The following ZFHX3 variants were observed in gnomAD, a reference collection of about 807,000 sequenced individuals.
ZFHX3 encodes zinc finger homeobox protein 3.
A neutral mutation model predicts 279.1 loss-of-function variants in ZFHX3; 42 were observed. The ratio of observed to expected loss-of-function variants is 0.15; its 90% CI spans 0.12 to 0.19. The LOEUF (loss-of-function observed/expected upper bound fraction) is 0.19. ZFHX3 is among the 10% of genes least tolerant of loss of function. The pLI is 1.00. For synonymous variants in ZFHX3, 2,293 were observed against 1,957.8 expected (o/e 1.17, Z -4.52); for missense variants, 4,981 against 4,754.0 (o/e 1.05, Z -1.40).
intron 5 of ZFHX3, among the ~76,000 whole-genome samples, chr16:73,219,557 T>A (rs1396298477): frequency 2.6e-5 from 4 of 152,366 alleles, no homozygotes; most frequent in Admixed American, 1.3e-4. Flanking sequence ...AAAGCCCTGT[T>A]GCATCTATGA....
intron 3 of ZFHX3, among the ~76,000 whole-genome samples, chr16:72,920,745 C>A (rs923552253): frequency 2.4e-4 from 36 of 151,742 alleles, no homozygotes; most frequent in Non-Finnish European, 4.4e-5. Context: ...CCAGCTTCCT[C>A]AAGTGGAAGA....
At chr16:73,837,421 T>C (rs1311926587) in intron 1 of ZFHX3, among the ~76,000 whole-genome samples, 1 of 152,224 alleles carries the variant, frequency 6.6e-6, no homozygotes, top group Non-Finnish European at 1.5e-5. Flanking sequence ...GGTAAAACCT[T>C]GGAAATCCTG....
chr16:73,806,153 C>G (rs1960270427), intron 1 of ZFHX3, among the ~76,000 whole-genome samples: 1 of 152,194 alleles, frequency 6.6e-6, no homozygotes, highest in African/African-American at 2.4e-5. Context: ...GACAGCAGGG[C>G]AGAAATTGCC....
chr16:73,500,642 A>C (rs1597359846), intron 2 of ZFHX3, among the ~76,000 whole-genome samples: 1 of 131,884 alleles, frequency 7.6e-6, no homozygotes, highest in African/African-American at 3.0e-5. Context: ...CCTAGTTTTT[A>C]TTTTAAAAAG....
At chr16:73,206,492 G>A (rs139031932) in intron 5 of ZFHX3, among the ~76,000 whole-genome samples, 5 of 152,202 alleles carry the variant, frequency 3.3e-5, no homozygotes, top group South Asian at 4.2e-4. Context: ...CTTAGAGTTC[G>A]CTACTGCCTT....
intron 3 of ZFHX3, among the ~76,000 whole-genome samples, chr16:73,373,231 T>C (rs868356197): frequency 6.6e-6 from 1 of 152,126 alleles, no homozygotes; most frequent in African/African-American, 2.4e-5. Context: ...TTCTCACCAA[T>C]TGGGTGGCTA....
intron 3 of ZFHX3, among the ~76,000 whole-genome samples, chr16:72,894,497 T>C: frequency 6.6e-6 from 1 of 152,096 alleles, no homozygotes; most frequent in Non-Finnish European, 1.5e-5. Context: ...ATCCCACCCT[T>C]GGAACCTGCC....
chr16:73,249,898 C>A (rs2013430751), intron 5 of ZFHX3, among the ~76,000 whole-genome samples: 1 of 151,438 alleles, frequency 6.6e-6, no homozygotes, highest in Non-Finnish European at 1.5e-5. Flanking sequence ...AAATTAAAAT[C>A]ATAACGAGGG....
intron 1 of ZFHX3, among the ~76,000 whole-genome samples, chr16:73,869,223 C>T (rs1962104435): frequency 6.6e-6 from 1 of 152,170 alleles, no homozygotes; most frequent in African/African-American, 2.4e-5. Flanking sequence ...GAGCAACCTA[C>T]AGGGTGTTTT....
At chr16:73,886,755 G>A (rs994913499) in intron 1 of ZFHX3, among the ~76,000 whole-genome samples, 1 of 152,170 alleles carries the variant, frequency 6.6e-6, no homozygotes, top group South Asian at 2.1e-4. Context: ...GGAAAATCAG[G>A]GAGATGTATG....
At chr16:73,052,542 C>T (rs1213130821), upstream of ZFHX3, among the ~76,000 whole-genome samples, 3 of 151,998 alleles carry the variant, frequency 2.0e-5, no homozygotes, top group Admixed American at 2.0e-4. Flanking sequence ...TCAGAGCCCC[C>T]GAGCTGAAAA....
intron 5 of ZFHX3, among the ~76,000 whole-genome samples, chr16:72,822,182 A>T (rs1489292795): frequency 1.3e-5 from 2 of 152,232 alleles, no homozygotes. Context: ...AGTATTAAGC[A>T]CTTGCTAGGT....
intron 4 of ZFHX3, among the ~76,000 whole-genome samples, chr16:73,263,661 G>A (rs755715056): frequency 2.0e-5 from 3 of 152,162 alleles, no homozygotes; most frequent in Non-Finnish European, 4.4e-5. Flanking sequence ...TCGTCCTTCT[G>A]CAGCAGCAGC....
intron 1 of ZFHX3, among the ~76,000 whole-genome samples, chr16:73,721,609 T>C (rs2053474437): frequency 6.6e-6 from 1 of 152,180 alleles, no homozygotes. Flanking sequence ...CCATGCACCA[T>C]CTGCTCTTCA....
intron 1 of ZFHX3, among the ~76,000 whole-genome samples, chr16:73,737,820 G>T (rs2053622053): frequency 6.6e-6 from 1 of 152,174 alleles, no homozygotes; most frequent in Admixed American, 6.5e-5. Context: ...CTGCTCATTA[G>T]CACCTCCCCC....
intron 3 of ZFHX3, among the ~76,000 whole-genome samples, chr16:73,432,562 C>T (rs916266923): frequency 6.6e-6 from 1 of 152,188 alleles, no homozygotes; most frequent in Non-Finnish European, 1.5e-5. Context: ...TTCTGTTATT[C>T]ACATATGAAG....
At chr16:73,219,651 T>C (rs572655591) in intron 5 of ZFHX3, among the ~76,000 whole-genome samples, 5 of 152,334 alleles carry the variant, frequency 3.3e-5, no homozygotes, top group Admixed American at 1.3e-4. Flanking sequence ...AAATAAAGGA[T>C]TGGCCTACAG....
At chr16:73,301,529 A>T (rs1415004517) in intron 4 of ZFHX3, among the ~76,000 whole-genome samples, 4 of 152,170 alleles carry the variant, frequency 2.6e-5, no homozygotes, top group African/African-American at 9.7e-5. Context: ...AATCAAAAAC[A>T]TCTCCAGATA....
intron 5 of ZFHX3, among the ~76,000 whole-genome samples, chr16:73,192,080 G>C (rs1312757299): frequency 6.6e-6 from 1 of 152,104 alleles, no homozygotes; most frequent in African/African-American, 2.4e-5. Flanking sequence ...TTCTTATTCC[G>C]AGGGGATCTG....
Sources: gnomAD v4.1 joint callset for allele counts (sites outside exome capture counted in the v4.1 genomes callset) on GRCh38, gnomAD v4.1.1 for gene constraint, MANE v1.5 for transcripts, NCBI Gene and HGNC (gene_info 2026-07-23, HGNC 2026-07-21) for gene names.